Variants in GLUD1 observed in about 807,000 individuals in gnomAD.
GLUD1 encodes glutamate dehydrogenase 1, mitochondrial.
GLUD1 carries 22 observed loss-of-function variants against 56.0 expected under a neutral mutation model. The observed-to-expected ratio is 0.39, with a 90% CI of 0.28 to 0.56. The LOEUF is 0.56. GLUD1 is among the 20% of genes least tolerant of loss of function. The pLI, the probability that GLUD1 is intolerant of heterozygous loss-of-function variation, is 0.58. For missense variants in GLUD1, 451 were observed against 732.0 expected, an observed-to-expected ratio of 0.62 and a Z score of 4.43; for synonymous variants, 223 against 269.9, an observed-to-expected ratio of 0.83 and a Z score of 1.70.
At chr10:87,081,083 C>T (rs1249609088) in intron 1 of GLUD1, among the ~76,000 whole-genome samples, 11 of 147,618 alleles carry the variant, frequency 7.5e-5, no homozygotes, top group South Asian at 2.1e-4. Context: ...GTCAGCCCCC[C>T]GCCCGGCCAG....
In GLUD1 at chr10:87,060,718, G is replaced by T; in HGVS notation, c.1167C>A (p.Thr389=). The T allele has an allele frequency of 1.9e-6, 3 of 1,614,112 alleles. No homozygotes were observed. Among genetic ancestry groups the T allele is most frequent in the African/African-American group, 1.3e-5 (1 of 75,030 alleles). ...CTTTGACTCTGGGTGCGTTGGATTT[G>T]GTCAACTGCTTCTCACTGGCAGCTG... The part of the protein sequence containing the change: ...LIPAASEKQL[T]KSNAPRVKAK... Residue 389 remains threonine, a synonymous_variant, in exon 8 of 13, where the codon ACC becomes ACA. Transcript: ENST00000277865.
At chr10:87,079,910 C>T (rs948038728) in intron 1 of GLUD1, among the ~76,000 whole-genome samples, 1 of 119,146 alleles carries the variant, frequency 8.4e-6, no homozygotes, top group Admixed American at 8.3e-5. Context: ...CTCCCCCTCC[C>T]CCTCCCCCTC....
At chr10:87,061,877 G>A (rs761220165) in intron 6 of GLUD1, among the ~76,000 whole-genome samples, 10 of 152,048 alleles carry the variant, frequency 6.6e-5, no homozygotes, top group South Asian at 2.1e-4. Context: ...TCCACCTCCC[G>A]GGTTCAAGTG....
chr10:87,075,879 A>G (rs779980753), intron 3 of GLUD1, 89 bp downstream of exon 3: 86 of 911,660 alleles, frequency 9.4e-5, no homozygotes, highest in Non-Finnish European at 1.5e-4. Context: ...GCGCCATTGT[A>G]CTCCGGCCTG....
rs1845606237 is a variant in GLUD1 at position 87,050,568 on chromosome 10, G to A, written c.*1183C>T. 5 of 151,584 alleles carry A rather than the reference G, an allele frequency of 3.3e-5. No homozygotes were observed. 9.4% of individuals were successfully genotyped at this position (151,584 alleles called of 1,614,324 possible). Reference sequence around the variant, plus strand: ...TACAAAGTAGTTAGAAATTTCTGAAGGGTGTTAGAGTTAAAAAAAAAAAAA... The same window carrying A: ...TACAAAGTAGTTAGAAATTTCTGAAAGGTGTTAGAGTTAAAAAAAAAAAAA... On this transcript the variant is annotated 3_prime_UTR_variant, in exon 13 of 13. Coordinates refer to ENST00000277865, the MANE Select transcript of GLUD1 (RefSeq NM_005271.5).
intron 4 of GLUD1, among the ~76,000 whole-genome samples, chr10:87,073,377 C>A (rs903958720): frequency 6.6e-6 from 1 of 152,008 alleles, no homozygotes; most frequent in African/African-American, 2.4e-5. Flanking sequence ...TGGTCTCGAA[C>A]TTCTGGGCTC....
At chr10:87,058,750 G>A (rs906558359) in intron 10 of GLUD1, among the ~76,000 whole-genome samples, 6 of 152,180 alleles carry the variant, frequency 3.9e-5, no homozygotes, top group African/African-American at 1.4e-4. Flanking sequence ...AATTAGCCGG[G>A]CGTGGCGGTG....
chr10:87,069,420 CA>C (rs764540236), intron 4 of GLUD1, among the ~76,000 whole-genome samples: 4 of 149,894 alleles, frequency 2.7e-5, no homozygotes, highest in Non-Finnish European at 5.9e-5. Context: ...GAGGCTGAGG[CA>C]GGAGAATCGC....
At chr10:87,055,057 G>T (rs139408501) in intron 11 of GLUD1, among the ~76,000 whole-genome samples, 17 of 152,338 alleles carry the variant, frequency 1.1e-4, no homozygotes, top group African/African-American at 4.1e-4. Flanking sequence ...AGGAGACGGG[G>T]AGAATGAATG....
intron 5 of GLUD1, among the ~76,000 whole-genome samples, chr10:87,066,145 C>CA (rs946766771): frequency 4.6e-5 from 7 of 151,826 alleles, no homozygotes; most frequent in African/African-American, 7.2e-5. Context: ...TGCCAAAAGA[C>CA]AAAAAAAACC....
chr10:87,068,422 G>C (rs148722779), intron 4 of GLUD1, among the ~76,000 whole-genome samples: 26 of 152,280 alleles, frequency 1.7e-4, no homozygotes, highest in South Asian at 6.2e-4. Context: ...ACAGATATAA[G>C]CCACTCCATA....
At chr10:87,056,770 T>C (rs1845786960) in intron 11 of GLUD1, among the ~76,000 whole-genome samples, 1 of 152,126 alleles carries the variant, frequency 6.6e-6, no homozygotes, top group African/African-American at 2.4e-5. Flanking sequence ...AGAATAAAGG[T>C]ACAACTGTTT....
chr10:87,070,005 T>C (rs143583546), intron 4 of GLUD1, among the ~76,000 whole-genome samples: 2 of 152,374 alleles, frequency 1.3e-5, no homozygotes, highest in Non-Finnish European at 2.9e-5. Context: ...TCCATTCCTT[T>C]AGTGACATAC....
At chr10:87,087,795 T>C (rs1841418361) in intron 1 of GLUD1, among the ~76,000 whole-genome samples, 1 of 152,202 alleles carries the variant, frequency 6.6e-6, no homozygotes, top group African/African-American at 2.4e-5. Context: ...CAAGACTGTC[T>C]GTCTGCCAGG....
intron 10 of GLUD1, 76 bp from the exon 11 acceptor site, chr10:87,057,858 A>G (rs1845828298): frequency 6.1e-6 from 5 of 813,346 alleles, no homozygotes; most frequent in Middle Eastern, 3.1e-4. Context: ...AAGTAGTCCC[A>G]AACTATAACT....
intron 1 of GLUD1, among the ~76,000 whole-genome samples, chr10:87,088,234 A>T (rs1457581821): frequency 6.6e-6 from 1 of 151,742 alleles, no homozygotes; most frequent in Non-Finnish European, 1.5e-5. Context: ...GAAATGGAAT[A>T]CTGAGCTTAT....
rs1845631697 is a variant in GLUD1, at chr10:87,051,555, A to C, written c.*196T>G. ...TCTGGTGTAGGTGATTTCTACTTTC[A>C]CACTCAGCTTGTACATGATCCGCTA... On this transcript the variant is annotated 3_prime_UTR_variant, in exon 13 of 13. Transcript: ENST00000277865. 1.4e-6 allele frequency: 1 copy of C among 694,502 alleles called. No homozygotes were observed. The highest frequency in any genetic ancestry group is 2.2e-5 in the Admixed American group (1 of 44,456). The allele number at this position is 694,502 out of a possible 1,614,324, so 43.0% of individuals were successfully genotyped here.
chr10:87,071,441 C>A (rs28590183), intron 4 of GLUD1, among the ~76,000 whole-genome samples: 10,575 of 152,154 alleles, frequency 0.07, 802 homozygotes, highest in African/African-American at 0.2. Flanking sequence ...CCCGCCTCAG[C>A]CTCCCAAAGT....
intron 1 of GLUD1, among the ~76,000 whole-genome samples, chr10:87,093,216 A>T (rs1486847642): frequency 1.3e-5 from 2 of 152,250 alleles, no homozygotes; most frequent in Admixed American, 1.3e-4. Context: ...GAAAGACCAC[A>T]GAACCAGGTT....
Sources: gnomAD v4.1 joint callset for allele counts (sites outside exome capture counted in the v4.1 genomes callset) on GRCh38, gnomAD v4.1.1 for gene constraint, MANE v1.5 for transcripts, NCBI Gene and HGNC (gene_info 2026-07-23, HGNC 2026-07-21) for gene names.